Variants in TTN observed in about 807,000 individuals in gnomAD.
TTN encodes the protein titin.
In TTN, 1,525 loss-of-function variants were observed where a neutral mutation model predicts 3,223.0. That is an observed-to-expected ratio of 0.47 (90% CI 0.45 to 0.49). The LOEUF is 0.49. Ranked by LOEUF, TTN falls within the 20% of genes least tolerant of loss-of-function variation. The pLI is 0.00. For synonymous variants in TTN, 14,094 were observed against 15,161.0 expected (o/e 0.93, Z 5.17); for missense variants, 40,786 against 43,424.0 (o/e 0.94, Z 5.40).
intron 214 of TTN, 57 bp from the exon 215 acceptor site, chr2:178,647,201 A>G (rs2062145972): frequency 8.5e-7 from 1 of 1,173,570 alleles, no homozygotes; most frequent in African/African-American, 1.6e-5. Context: ...TACTGCAACT[A>G]CTATTCTAAC....
chr2:178,804,204 G>A (rs766929086), intron 2 of TTN, among the ~76,000 whole-genome samples: 1 of 152,150 alleles, frequency 6.6e-6, no homozygotes, highest in Non-Finnish European at 1.5e-5. Flanking sequence ...GCTTCTATTG[G>A]GCTTGAGTTC....
At chr2:178,725,681 A>G (rs1202792151) in intron 70 of TTN, 32 bp from the exon 71 acceptor site, 1 of 1,552,066 alleles carries the variant, frequency 6.4e-7, no homozygotes, top group Non-Finnish European at 8.7e-7. Flanking sequence ...GAAATTGTTG[A>G]AAAGATTGTC....
In TTN at chr2:178,550,168, C is replaced by G; in HGVS notation, c.91670G>C (p.Arg30557Pro). The G allele has an allele frequency of 6.2e-7, 1 of 1,613,746 alleles. No homozygotes were observed. The highest frequency in any genetic ancestry group is 8.5e-7 in the Non-Finnish European group (1 of 1,179,736). The change falls in exon 337 of 363, where the codon CGA becomes CCA. Residue 30557 changes from arginine (R) to proline (P), a missense_variant. Transcript: ENST00000589042. ...KALVQGRPVP[R>P]VTWFKDGVEI... ...CACTCCATCTTTGAACCAAGTTACT[C>G]GAGGCACTGGTCTTCCTTGTACCAA...
intron 213 of TTN, among the ~76,000 whole-genome samples, chr2:178,648,715 T>C (rs2062433069): frequency 6.6e-6 from 1 of 152,098 alleles, no homozygotes; most frequent in Non-Finnish European, 1.5e-5. Context: ...CGGCCTTATT[T>C]CCTCAATTTC....
In TTN at chr2:178,634,974, T is replaced by C; in HGVS notation, c.42025-125A>G. The C allele has an allele frequency of 7.3e-7, 1 of 1,370,222 alleles. No individual in the cohort carries two copies. The highest frequency in any genetic ancestry group is 1.5e-5 in the South Asian group (1 of 66,606). The allele number at this position is 1,370,222 out of a possible 1,614,324, so 84.9% of individuals were successfully genotyped here. On this transcript the variant is annotated intron_variant, in intron 228 of 362. Coordinates refer to ENST00000589042, the MANE Select transcript of TTN (RefSeq NM_001267550.2). This position sits in a 1 kb window ranked among gnomAD's most constrained non-coding sequence, Gnocchi z 4.6. Reference sequence around the variant, plus strand: ...TAATAAAAGTAAGCAGAGAATTCCCTGTCATAACATTTTACACAAATTGTT... The same window carrying C: ...TAATAAAAGTAAGCAGAGAATTCCCCGTCATAACATTTTACACAAATTGTT...
chr2:178,663,926 C>G, intron 169 of TTN, 24 bp from the exon 170 acceptor site: 1 of 1,612,930 alleles, frequency 6.2e-7, no homozygotes, highest in East Asian at 2.2e-5. Flanking sequence ...AGTGAAATTA[C>G]ATTTAGGTGT....
chr2:178,587,410 A>G lies in TTN; in HGVS notation c.63801T>C (p.Pro21267=). Reference sequence around the variant, plus strand: ...AAACTTTTAAATCAGACACAGGCCCAGGAGTGTCTGTAAAGAATCATAAAA... The same window carrying G: ...AAACTTTTAAATCAGACACAGGCCCGGGAGTGTCTGTAAAGAATCATAAAA... ...VFVNVRVLDT[P]GPVSDLKVSD... The change falls in exon 307 of 363, where the codon CCT becomes CCC. Residue 21267 remains proline, a synonymous_variant. Transcript: ENST00000589042. 1.2e-6 allele frequency: 2 copies of G among 1,608,512 alleles called. No homozygotes were observed. Among genetic ancestry groups the G allele is most frequent in the Non-Finnish European group, 1.7e-6 (2 of 1,177,238 alleles).
rs761543376 is a variant in TTN, at chr2:178,653,068, TAGG to T, written c.38845_38847del (p.Pro12949del). 4.3e-6 allele frequency: 7 copies of T among 1,613,306 alleles called. No individual in the cohort carries two copies. The Admixed American group carries it at 8.3e-5, about 19-fold the overall frequency. The stretch of plus-strand genomic sequence containing the variant: ...TTAACAGGTGGGACTTCAGGTTTTT[TAGG>T]AGGAGTCACTGGCACTTTCTTTTCA... On this transcript the variant is annotated inframe_deletion, in exon 199 of 363. Transcript: ENST00000589042.
At position 178,584,695 on chromosome 2, in the gene TTN, G is replaced by A. The variant is rs1220907025; in HGVS notation, c.64946C>T (p.Pro21649Leu). The A allele has an allele frequency of 6.2e-7, 1 of 1,613,428 alleles. No individual in the cohort carries two copies. The highest frequency in any genetic ancestry group is 8.5e-7 in the Non-Finnish European group (1 of 1,179,554). Residue 21649 changes from proline to leucine, a missense_variant, in exon 310 of 363, where the codon CCA (proline) becomes CTA (leucine). Physicochemically the swap from Pro to Leu is moderately conservative, Grantham distance 98. Coordinates refer to ENST00000589042, the MANE Select transcript of TTN (RefSeq NM_001267550.2). The stretch of plus-strand genomic sequence containing the variant: ...AAATGGGAACTGCGCAACCATCTTT[G>A]GAGATGTGAGAGGCTCTGAAATGCC... ...RFGISEPLTS[P>L]KMVAQFPFGV...
At position 178,633,471 on chromosome 2, in the gene TTN, T is replaced by A. The variant is rs1272371985; in HGVS notation, c.42888A>T (p.Lys14296Asn). ...TGCCACAGTCACACACATATTCGCC[T>A]TTATCTTTAAGGTCCGCCTTTTTGA... ...LKIKKADLKD[K>N]GEYVCDCGTD... The change falls in exon 232 of 363, where the codon AAA becomes AAT. Residue 14296 changes from lysine to asparagine, a missense_variant. Coordinates refer to ENST00000589042, the MANE Select transcript of TTN (RefSeq NM_001267550.2). 4 of 1,613,246 alleles carry A rather than the reference T, an allele frequency of 2.5e-6. No homozygotes were observed. The African/African-American group carries it at 5.3e-5, about 22-fold the overall frequency.
In TTN at chr2:178,618,777, A is replaced by G. The variant is rs397517586; in HGVS notation, c.46773T>C (p.Tyr15591=). 3 of 1,611,588 alleles carry G rather than the reference A, an allele frequency of 1.9e-6. No homozygotes were observed. Among genetic ancestry groups the G allele is most frequent in the Middle Eastern group, 1.7e-4 (1 of 5,856 alleles). The change falls in exon 251 of 363, where the codon TAT becomes TAC. Residue 15591 remains tyrosine (Y), a synonymous_variant. Coordinates refer to ENST00000589042, the MANE Select transcript of TTN (RefSeq NM_001267550.2). ...CAGCTTCTGCTTTGGGGTAGGCATCATATGGCACCACCATTGTCAGAGGCT... is the reference window on the plus strand; with the variant it reads ...CAGCTTCTGCTTTGGGGTAGGCATCGTATGGCACCACCATTGTCAGAGGCT... The part of the protein sequence containing the change: ...VGKPLTMVVP[Y]DAYPKAEAEW...
Position 178,799,179 on chromosome 2 carries a change from A to G in TTN, c.914+308T>C, listed in dbSNP as rs1574972950. ...CCCATGGACCTAGGTGAGGACAAAC[A>G]CTCCTGCCTTCCCGCCCAAATGTTG... On this transcript the variant is annotated intron_variant, in intron 6 of 362. Coordinates refer to ENST00000589042, the MANE Select transcript of TTN (RefSeq NM_001267550.2). 1.1e-5 allele frequency: 4 copies of G among 379,178 alleles called. No homozygotes were observed. The East Asian group carries it at 1.8e-4, about 17-fold the overall frequency. The allele number at this position is 379,178 out of a possible 1,614,324, so 23.5% of individuals were successfully genotyped here.
In TTN at chr2:178,599,434, G is replaced by A; in HGVS notation, c.56359C>T (p.Pro18787Ser). The A allele has an allele frequency of 6.5e-7, 1 of 1,533,598 alleles. No individual in the cohort carries two copies. Among genetic ancestry groups the A allele is most frequent in the South Asian group, 1.3e-5 (1 of 75,062 alleles). 95.0% of individuals were successfully genotyped at this position (1,533,598 alleles called of 1,614,324 possible). Reference protein sequence around the residue: ...MRLNVLGRPGPPVGPIKFESV... With the variant: ...MRLNVLGRPGSPVGPIKFESV... ...TCAAATTTTATGGGTCCCACTGGAG[G>A]GCCAGGACGACCTAAAATGGTTTAA... Residue 18787 changes from proline (P) to serine (S), a missense_variant, in exon 290 of 363, where the codon CCT becomes TCT. Pro to Ser is a moderately conservative substitution (Grantham distance 74). Transcript: ENST00000589042.
At position 178,530,284 on chromosome 2, in the gene TTN, G is replaced by A. The variant is rs1452745293; in HGVS notation, c.106331C>T (p.Thr35444Ile). The part of the protein sequence containing the change: ...DSVAKFAVKA[T>I]GEPRPTAIWT... Reference sequence around the variant, plus strand: ...GATGGCAGTTGGCCGGGGTTCTCCAGTAGCCTTAACTGCAAATTTAGCAAC... The same window carrying A: ...GATGGCAGTTGGCCGGGGTTCTCCAATAGCCTTAACTGCAAATTTAGCAAC... Residue 35444 changes from threonine to isoleucine, a missense_variant, in exon 358 of 363, where the codon ACT becomes ATT. Transcript: ENST00000589042. 3 of 1,612,166 alleles carry A rather than the reference G, an allele frequency of 1.9e-6. No individual in the cohort carries two copies. Among genetic ancestry groups the A allele is most frequent in the Non-Finnish European group, 2.5e-6 (3 of 1,178,634 alleles).
rs1559718586 is a variant in TTN, at chr2:178,605,020, A to G, written c.54157T>C (p.Ser18053Pro). 6.2e-7 allele frequency: 1 copy of G among 1,604,984 alleles called. No individual in the cohort carries two copies. The highest frequency in any genetic ancestry group is 8.5e-7 in the Non-Finnish European group (1 of 1,174,476). Residue 18053 changes from serine to proline, a missense_variant, in exon 280 of 363, where the codon TCA (serine) becomes CCA (proline). Physicochemically the swap from Ser to Pro is moderately conservative, Grantham distance 74. Transcript: ENST00000589042. ...YTVTASNRLG[S>P]VFRNVHVEVY... ...TCAACGTGAACATTTCGGAACACTG[A>G]GCCAAGGCGATTGGAAGCAGTAACT... is the stretch of plus-strand genomic sequence containing the variant.
Position 178,548,151 on chromosome 2 carries a change from A to G in TTN, c.93475T>C (p.Phe31159Leu), listed in dbSNP as rs765476463. ...TTGGTGTGACCAGCTTCAACCCAGA[A>G]GTCAGATCCCTTTTGTCTCATTTCA... Reference protein sequence around the residue: ...LLEMRQKGSDFWVEAGHTKQL... With the variant: ...LLEMRQKGSDLWVEAGHTKQL... The change falls in exon 339 of 363, where the codon TTC (phenylalanine) becomes CTC (leucine). Residue 31159 changes from phenylalanine (F) to leucine (L), a missense_variant. Phe to Leu is a conservative substitution (Grantham distance 22). Coordinates refer to ENST00000589042, the MANE Select transcript of TTN (RefSeq NM_001267550.2). The surrounding 1 kb of genome is among the most constrained non-coding windows in gnomAD (Gnocchi z 4.3). The G allele has an allele frequency of 4.3e-6, 7 of 1,613,880 alleles. No homozygotes were observed. In the East Asian group the frequency reaches 1.3e-4, roughly 31 times the overall value.
Position 178,790,809 on chromosome 2 carries a change from C to A in TTN, c.1699G>T (p.Val567Leu), listed in dbSNP as rs752212730. 6.2e-7 allele frequency: 1 copy of A among 1,613,954 alleles called. No individual in the cohort carries two copies. The highest frequency in any genetic ancestry group is 1.3e-5 in the African/African-American group (1 of 74,896). ...GTGGACTTTGCAGTGGCAACTACCA[C>A]CATGGATGCAGCAGTTATCTCAGTT... ...QETEITAASM[V>L]VVATAKSTKL... The change falls in exon 11 of 363, where the codon GTG becomes TTG. Residue 567 changes from valine (V) to leucine (L), a missense_variant. Coordinates refer to ENST00000589042, the MANE Select transcript of TTN (RefSeq NM_001267550.2).
At position 178,799,102 on chromosome 2, in the gene TTN, AG is replaced by A. The variant is rs577893106; in HGVS notation, c.914+384del. The A allele has an allele frequency of 1.1e-3, 226 of 210,990 alleles. 1 individual carries two copies. Among genetic ancestry groups the A allele is most frequent in the Non-Finnish European group, 1.5e-3 (153 of 102,618 alleles). The allele number at this position is 210,990 out of a possible 1,614,324, so 13.1% of individuals were successfully genotyped here. ...GAGTGCATGAAACTTACACGGGAGG[AG>A]GGCAGGGAAGTGCTGGGAAGAGAAG... On this transcript the variant is annotated intron_variant, in intron 6 of 362. Coordinates refer to ENST00000589042, the MANE Select transcript of TTN (RefSeq NM_001267550.2).
Position 178,718,093 on chromosome 2 carries a change from G to T in TTN, c.24913C>A (p.Arg8305=), listed in dbSNP as rs760266983. 2 of 1,613,204 alleles carry T rather than the reference G, an allele frequency of 1.2e-6. No individual in the cohort carries two copies. Among genetic ancestry groups the T allele is most frequent in the African/African-American group, 1.3e-5 (1 of 75,006 alleles). Residue 8305 remains arginine (R), a synonymous_variant, in exon 86 of 363, where the codon CGA becomes AGA. Coordinates refer to ENST00000589042, the MANE Select transcript of TTN (RefSeq NM_001267550.2). The stretch of plus-strand genomic sequence containing the variant: ...TGCATTTTATATGCAGGAGCTGATC[G>T]TAGCTTTGTGTGTTCTTTATACCAA... ...ISWYKEHTKL[R]SAPAYKMQFK...
Sources: allele counts gnomAD v4.1 joint callset (sites outside exome capture counted in the v4.1 genomes callset), GRCh38; gene constraint gnomAD v4.1.1; non-coding constraint Gnocchi (gnomAD v3.1); transcripts MANE v1.5; gene names NCBI Gene and HGNC (gene_info 2026-07-23, HGNC 2026-07-21).